Variants in RCSD1 observed in about 807,000 individuals in gnomAD.
RCSD1 encodes the protein RCSD domain containing 1.
In RCSD1, 26 loss-of-function variants were observed where a neutral mutation model predicts 42.5. That is an observed-to-expected ratio of 0.61 (90% CI 0.45 to 0.85). RCSD1 has a LOEUF of 0.85. Ranked by LOEUF, RCSD1 falls within the 40% of genes least tolerant of loss-of-function variation. The pLI, the probability that RCSD1 is intolerant of heterozygous loss-of-function variation, is 0.00. For missense variants in RCSD1, 571 were observed against 528.3 expected, an observed-to-expected ratio of 1.08 and a Z score of -0.79; for synonymous variants, 220 against 212.2, an observed-to-expected ratio of 1.04 and a Z score of -0.32.
intron 4 of RCSD1, among the ~76,000 whole-genome samples, chr1:167,693,281 G>C (rs1659419224): frequency 6.6e-6 from 1 of 152,204 alleles, no homozygotes; most frequent in Non-Finnish European, 1.5e-5. Flanking sequence ...TGGCCTTAAA[G>C]AGGATCGGAC....
intron 2 of RCSD1, 147 bp downstream of exon 2, chr1:167,684,148 G>A: frequency 1.5e-6 from 1 of 658,324 alleles, no homozygotes; most frequent in Non-Finnish European, 2.6e-6. Flanking sequence ...TTCTCTGAAT[G>A]TGAGGAATGT....
intron 1 of RCSD1, among the ~76,000 whole-genome samples, chr1:167,632,516 G>T (rs1159877704): frequency 6.6e-6 from 1 of 152,148 alleles, no homozygotes; most frequent in African/African-American, 2.4e-5. Context: ...TGTGTGGCTT[G>T]GGGGGTGGAG....
intron 4 of RCSD1, among the ~76,000 whole-genome samples, chr1:167,693,019 G>A (rs150958771): frequency 6.0e-4 from 91 of 152,290 alleles, no homozygotes; most frequent in African/African-American, 1.9e-3. Context: ...TCTGAGATTC[G>A]GAAAGGCTGT....
At chr1:167,700,037 T>C (rs1213932480) in intron 6 of RCSD1, among the ~76,000 whole-genome samples, 1 of 152,212 alleles carries the variant, frequency 6.6e-6, no homozygotes, top group African/African-American at 2.4e-5. Flanking sequence ...ATTTCTCTAC[T>C]CCTTTTCCTC....
At chr1:167,704,241 C>T (rs943831073) in intron 6 of RCSD1, among the ~76,000 whole-genome samples, 3 of 152,100 alleles carry the variant, frequency 2.0e-5, no homozygotes, top group Non-Finnish European at 4.4e-5. Context: ...AGCAGTGTTT[C>T]AGGAGAGCAC....
At chr1:167,685,689 A>G (rs1055954795) in intron 3 of RCSD1, among the ~76,000 whole-genome samples, 179 bp downstream of exon 3, 3 of 152,164 alleles carry the variant, frequency 2.0e-5, no homozygotes, top group Non-Finnish European at 4.4e-5. Flanking sequence ...TACTTTGGAA[A>G]CTAGGCTCCT....
chr1:167,683,919 A>G lies in RCSD1; in HGVS notation c.26A>G (p.Asn9Ser), dbSNP rs746475531. MEERPAET[N>S]ANVDNSASPS... ...TGCCAGGAAAGACCGGCAGAGACCA[A>G]TGCCAATGTGGACAACTCGGCGTCC... Residue 9 changes from asparagine to serine, a missense_variant, in exon 2 of 7, where the codon AAT (asparagine) becomes AGT (serine). By Grantham distance (46) the Asn-to-Ser change is conservative. Coordinates refer to ENST00000367854, the MANE Select transcript of RCSD1 (RefSeq NM_052862.4). 14 of 1,614,188 alleles carry G rather than the reference A, an allele frequency of 8.7e-6. No individual in the cohort carries two copies. In the South Asian group the frequency reaches 1.5e-4, roughly 18 times the overall value.
intron 1 of RCSD1, among the ~76,000 whole-genome samples, chr1:167,661,104 A>G (rs978451192): frequency 6.6e-6 from 1 of 152,276 alleles, no homozygotes; most frequent in Non-Finnish European, 1.5e-5. Flanking sequence ...GAAAATAGGA[A>G]TAATACATAT....
chr1:167,669,066 A>G (rs1268556166), intron 1 of RCSD1, among the ~76,000 whole-genome samples: 1 of 152,232 alleles, frequency 6.6e-6, no homozygotes, highest in East Asian at 1.9e-4. Flanking sequence ...ATTAATTCCA[A>G]GTACAGTCAA....
intron 1 of RCSD1, among the ~76,000 whole-genome samples, chr1:167,660,731 C>T (rs1658522771): frequency 6.6e-6 from 1 of 152,162 alleles, no homozygotes; most frequent in African/African-American, 2.4e-5. Context: ...GACTTGGCCT[C>T]CCAAAGTGCT....
At chr1:167,672,871 G>A (rs766265156) in intron 1 of RCSD1, among the ~76,000 whole-genome samples, 3 of 152,162 alleles carry the variant, frequency 2.0e-5, no homozygotes, top group African/African-American at 7.2e-5. Flanking sequence ...GACTCCAGAG[G>A]TATAGACCAT....
chr1:167,699,990 T>A (rs559733789), intron 6 of RCSD1, among the ~76,000 whole-genome samples: 1 of 152,320 alleles, frequency 6.6e-6, no homozygotes, highest in South Asian at 2.1e-4. Context: ...ATAGAACACA[T>A]CACTATTTGA....
chr1:167,653,455 C>G (rs893862357), intron 1 of RCSD1, among the ~76,000 whole-genome samples: 5 of 152,220 alleles, frequency 3.3e-5, no homozygotes, highest in African/African-American at 4.8e-5. Context: ...ACTGGGCAGA[C>G]TGCTAATCTG....
chr1:167,704,916 C>G lies in RCSD1; in HGVS notation c.*220C>G, dbSNP rs1334451790. The G allele has an allele frequency of 1.9e-6, 1 of 517,276 alleles. No homozygotes were observed. Among genetic ancestry groups the G allele is most frequent in the Non-Finnish European group, 3.5e-6 (1 of 282,916 alleles). 32.0% of individuals were successfully genotyped at this position (517,276 alleles called of 1,614,324 possible). A position where few individuals can be genotyped will look rare whatever the true frequency, so the allele number is the denominator to read the frequency against. ...TCTGAGGGCAGCAGACTTTTATCAG[C>G]TTGAGTTTATGTCATTTGATGGACT... On this transcript the variant is annotated 3_prime_UTR_variant, in exon 7 of 7. Transcript: ENST00000367854.
In RCSD1 at chr1:167,697,142, G is replaced by T. The variant is rs187844586; in HGVS notation, c.518G>T (p.Arg173Leu). The T allele has an allele frequency of 6.2e-7, 1 of 1,614,126 alleles. No homozygotes were observed. The highest frequency in any genetic ancestry group is 2.2e-5 in the East Asian group (1 of 44,878). The change falls in exon 6 of 7, where the codon CGA becomes CTA. Residue 173 changes from arginine to leucine, a missense_variant. Arg to Leu is a moderately radical substitution (Grantham distance 102). Coordinates refer to ENST00000367854, the MANE Select transcript of RCSD1 (RefSeq NM_052862.4). ...ATAAAAAGGCGCCCTCCCTCCAGGC[G>T]ATTCCGAAGGTCACAGTCAGACTGT... is the stretch of plus-strand genomic sequence containing the variant. ...GSIKRRPPSR[R>L]FRRSQSDCGE... is the part of the protein sequence containing the mutation.
Position 167,707,892 on chromosome 1 carries a change from C to T in RCSD1, c.*3196C>T, listed in dbSNP as rs1453449108. ...GTATTTTTTAGTAGAGACCAGGTTTCACTATGTTGGCCAGGCTGGTCTCAA... is the reference window on the plus strand; with the variant it reads ...GTATTTTTTAGTAGAGACCAGGTTTTACTATGTTGGCCAGGCTGGTCTCAA... On this transcript the variant is annotated 3_prime_UTR_variant, in exon 7 of 7. Coordinates refer to ENST00000367854, the MANE Select transcript of RCSD1 (RefSeq NM_052862.4). Among the ~76,000 whole-genome samples, 1 of 152,218 alleles carries T rather than the reference C, an allele frequency of 6.6e-6. No homozygotes were observed. Among genetic ancestry groups the T allele is most frequent in the African/African-American group, 2.4e-5 (1 of 41,458 alleles).
chr1:167,693,646 G>A (rs1000049277), intron 4 of RCSD1, among the ~76,000 whole-genome samples: 3 of 152,188 alleles, frequency 2.0e-5, no homozygotes, highest in Non-Finnish European at 2.9e-5. Flanking sequence ...ACAGCTGAAC[G>A]TGTGGGGTTG....
At chr1:167,655,590 A>G (rs1658406228) in intron 1 of RCSD1, among the ~76,000 whole-genome samples, 1 of 152,174 alleles carries the variant, frequency 6.6e-6, no homozygotes. Context: ...ACTGCTGCAT[A>G]ACCTGCTCTG....
chr1:167,661,498 G>T (rs573808468), intron 1 of RCSD1, among the ~76,000 whole-genome samples: 8 of 152,364 alleles, frequency 5.3e-5, no homozygotes, highest in African/African-American at 1.4e-4. Flanking sequence ...GCTTTCTGTA[G>T]GGATCTAGAA....
Sources: allele counts gnomAD v4.1 joint callset (sites outside exome capture counted in the v4.1 genomes callset), GRCh38; gene constraint gnomAD v4.1.1; transcripts MANE v1.5; gene names NCBI Gene and HGNC (gene_info 2026-07-23, HGNC 2026-07-21).